LHFPL3: variants seen among roughly 807,000 people sequenced by gnomAD.
The protein encoded by LHFPL3 is LHFPL tetraspan subfamily member 3 protein.
Under a neutral mutation model 19.3 loss-of-function variants are expected in LHFPL3, and 5 were observed. The ratio of observed to expected loss-of-function variants is 0.26; its 90% CI spans 0.14 to 0.54. LHFPL3 has a LOEUF of 0.54. LHFPL3 is among the 20% of genes least tolerant of loss of function. The pLI is 0.94. For synonymous variants in LHFPL3, 133 were observed against 126.2 expected (o/e 1.05, Z -0.36); for missense variants, 249 against 307.4 (o/e 0.81, Z 1.42).
intron 2 of LHFPL3, among the ~76,000 whole-genome samples, chr7:104,829,647 A>G (rs555906357): frequency 3.3e-5 from 5 of 151,944 alleles, no homozygotes; most frequent in South Asian, 2.1e-4. Context: ...ATGTCCCTAC[A>G]AAGGACATGA....
intron 2 of LHFPL3, among the ~76,000 whole-genome samples, chr7:104,745,978 G>C (rs1006629046): frequency 6.6e-6 from 1 of 152,204 alleles, no homozygotes; most frequent in African/African-American, 2.4e-5. Context: ...GACAGAGGCA[G>C]AGAGGCCCTG....
At chr7:104,881,362 T>C (rs1237881959) in intron 2 of LHFPL3, among the ~76,000 whole-genome samples, 1 of 152,158 alleles carries the variant, frequency 6.6e-6, no homozygotes, top group Non-Finnish European at 1.5e-5. Context: ...TATAAAAATA[T>C]CAACATTAAC....
At chr7:104,581,860 A>T (rs1296872168) in intron 1 of LHFPL3, among the ~76,000 whole-genome samples, 2 of 151,968 alleles carry the variant, frequency 1.3e-5, no homozygotes, top group African/African-American at 2.4e-5. Context: ...TTCTTACGCC[A>T]TTACCACACT....
chr7:104,639,424 C>A (rs1307159808), intron 1 of LHFPL3, among the ~76,000 whole-genome samples: 2 of 152,056 alleles, frequency 1.3e-5, no homozygotes, highest in African/African-American at 4.8e-5. Context: ...GTGGTAATGT[C>A]CCCTTTGTCA....
At chr7:104,697,274 A>C (rs1262697478) in intron 1 of LHFPL3, among the ~76,000 whole-genome samples, 1 of 152,228 alleles carries the variant, frequency 6.6e-6, no homozygotes, top group Non-Finnish European at 1.5e-5. Flanking sequence ...CCCTCTCCAA[A>C]AAGAAACATT....
chr7:104,871,170 C>T (rs7781984), intron 2 of LHFPL3, among the ~76,000 whole-genome samples: 2,420 of 152,298 alleles, frequency 0.016, 68 homozygotes, highest in African/African-American at 0.055. Flanking sequence ...CAGACATAGA[C>T]GGTCTAGTCT....
chr7:104,905,789 C>A (rs1584610307), intron 2 of LHFPL3, among the ~76,000 whole-genome samples: 1 of 152,166 alleles, frequency 6.6e-6, no homozygotes, highest in African/African-American at 2.4e-5. Context: ...ATAATAATTT[C>A]TTTTGTAGCT....
chr7:104,410,481 G>T (rs1274925966), intron 1 of LHFPL3, among the ~76,000 whole-genome samples: 3 of 152,146 alleles, frequency 2.0e-5, no homozygotes, highest in African/African-American at 7.2e-5. Context: ...TATTCCACAG[G>T]ATTGCTGAGG....
intron 1 of LHFPL3, among the ~76,000 whole-genome samples, chr7:104,664,253 T>C (rs1206009886): frequency 1.3e-5 from 2 of 152,238 alleles, no homozygotes; most frequent in Admixed American, 6.5e-5. Context: ...ATGGTACTTA[T>C]ACATTAGGCA....
At chr7:104,696,186 G>A (rs1466578639) in intron 1 of LHFPL3, among the ~76,000 whole-genome samples, 1 of 152,160 alleles carries the variant, frequency 6.6e-6, no homozygotes, top group Non-Finnish European at 1.5e-5. Context: ...TCCTGACCTC[G>A]TGATCCACCT....
At chr7:104,640,806 A>T (rs998609726) in intron 1 of LHFPL3, among the ~76,000 whole-genome samples, 2 of 152,210 alleles carry the variant, frequency 1.3e-5, no homozygotes, top group Non-Finnish European at 2.9e-5. Flanking sequence ...CATGAGTTGC[A>T]GTTTTCCTTA....
At chr7:104,389,537 A>G (rs1791019309) in intron 1 of LHFPL3, among the ~76,000 whole-genome samples, 1 of 152,184 alleles carries the variant, frequency 6.6e-6, no homozygotes, top group Admixed American at 6.6e-5. Flanking sequence ...CTATAAAAGT[A>G]TAAGAGGTTC....
At chr7:104,505,581 G>C (rs1793682318) in intron 1 of LHFPL3, among the ~76,000 whole-genome samples, 1 of 151,632 alleles carries the variant, frequency 6.6e-6, no homozygotes, top group African/African-American at 2.4e-5. Flanking sequence ...TGTTTTGTTT[G>C]ATAGGAAAAA....
intron 1 of LHFPL3, among the ~76,000 whole-genome samples, chr7:104,494,925 A>T (rs1793430635): frequency 6.6e-6 from 1 of 152,052 alleles, no homozygotes; most frequent in Non-Finnish European, 1.5e-5. Context: ...CTCATCTGGA[A>T]CTCAGCTCTT....
intron 2 of LHFPL3, among the ~76,000 whole-genome samples, chr7:104,794,070 C>T (rs893270785): frequency 3.3e-5 from 5 of 152,194 alleles, no homozygotes; most frequent in Non-Finnish European, 5.9e-5. Context: ...TGAACATACA[C>T]GTATGATCGG....
chr7:104,670,506 C>A (rs1792456827), intron 1 of LHFPL3, among the ~76,000 whole-genome samples: 1 of 152,214 alleles, frequency 6.6e-6, no homozygotes, highest in Non-Finnish European at 1.5e-5. Flanking sequence ...TCATGCTACT[C>A]TTAACCTCCC....
chr7:104,559,577 T>G (rs1789939438), intron 1 of LHFPL3, among the ~76,000 whole-genome samples: 1 of 152,074 alleles, frequency 6.6e-6, no homozygotes, highest in African/African-American at 2.4e-5. Flanking sequence ...AAGGAGATTT[T>G]GGGCTGAGAC....
At chr7:104,671,192 G>A (rs1792473531) in intron 1 of LHFPL3, among the ~76,000 whole-genome samples, 1 of 151,962 alleles carries the variant, frequency 6.6e-6, no homozygotes, top group African/African-American at 2.4e-5. Flanking sequence ...GTGTGGATTG[G>A]CCAGTAGCTA....
At chr7:104,589,344 G>C (rs868036213) in intron 1 of LHFPL3, among the ~76,000 whole-genome samples, 5 of 152,108 alleles carry the variant, frequency 3.3e-5, no homozygotes, top group Non-Finnish European at 7.4e-5. Context: ...TTTGTCAAAG[G>C]ACTTTTCTGC....
Sources: allele counts gnomAD v4.1 joint callset (sites outside exome capture counted in the v4.1 genomes callset), GRCh38; gene constraint gnomAD v4.1.1; transcripts MANE v1.5; gene names NCBI Gene and HGNC (gene_info 2026-07-23, HGNC 2026-07-21).